Variants in PHACTR3 observed in about 807,000 individuals in gnomAD.
PHACTR3 encodes the protein protein phosphatase 1, regulatory subunit 123.
Under a neutral mutation model 66.8 loss-of-function variants are expected in PHACTR3, and 16 were observed. The observed-to-expected ratio is 0.24, with a 90% confidence interval of 0.16 to 0.36. The LOEUF (loss-of-function observed/expected upper bound fraction) is 0.36, where lower values mean the gene tolerates loss of function less well. Ranked by LOEUF, PHACTR3 falls within the 10% of genes least tolerant of loss-of-function variation. The pLI is 1.00. For missense variants in PHACTR3, 647 were observed against 719.9 expected, an observed-to-expected ratio of 0.90 and a Z score of 1.16; for synonymous variants, 323 against 292.1, an observed-to-expected ratio of 1.11 and a Z score of -1.08.
At chr20:59,750,692 C>T (rs1159256421) in intron 3 of PHACTR3, among the ~76,000 whole-genome samples, 6 of 152,114 alleles carry the variant, frequency 3.9e-5, no homozygotes, top group Admixed American at 6.5e-5. Flanking sequence ...GTGGGATCTG[C>T]GAGGAGCCCG....
At chr20:59,743,314 C>T (rs201058151) in intron 2 of PHACTR3, 46 bp downstream of exon 2, 368 of 1,605,216 alleles carry the variant, frequency 2.3e-4, no homozygotes, top group Middle Eastern at 1.3e-3. Flanking sequence ...CTGGGACCAG[C>T]GTCCTTGGCA....
chr20:59,800,386 C>G (rs996612281), intron 7 of PHACTR3, among the ~76,000 whole-genome samples: 1 of 152,022 alleles, frequency 6.6e-6, no homozygotes, highest in Admixed American at 6.5e-5. Context: ...CAAGAAGGTA[C>G]TTATTTTGTC....
intron 1 of PHACTR3, among the ~76,000 whole-genome samples, chr20:59,735,463 A>T (rs1316809349): frequency 6.6e-6 from 1 of 151,982 alleles, no homozygotes; most frequent in African/African-American, 2.4e-5. Context: ...ACCTGACCTC[A>T]CTCCCCCAGA....
intron 1 of PHACTR3, among the ~76,000 whole-genome samples, chr20:59,656,717 T>C (rs1035501419): frequency 6.6e-5 from 10 of 151,978 alleles, no homozygotes; most frequent in African/African-American, 2.4e-4. Flanking sequence ...TTTGTTCCTC[T>C]ATTTTTCCTT....
intron 4 of PHACTR3, among the ~76,000 whole-genome samples, 169 bp from the exon 5 acceptor site, chr20:59,767,017 G>A (rs371152989): frequency 3.3e-5 from 5 of 152,300 alleles, no homozygotes; most frequent in South Asian, 4.1e-4. Context: ...CTCTGCTTCC[G>A]ATGGTTCTAT....
chr20:59,646,633 A>G (rs576377038), intron 1 of PHACTR3, among the ~76,000 whole-genome samples: 1 of 152,272 alleles, frequency 6.6e-6, no homozygotes, highest in African/African-American at 2.4e-5. Context: ...TGTTCAGTAG[A>G]TGCAGTTCCC....
At chr20:59,622,722 T>A (rs1014763678) in intron 1 of PHACTR3, among the ~76,000 whole-genome samples, 1 of 151,950 alleles carries the variant, frequency 6.6e-6, no homozygotes, top group Non-Finnish European at 1.5e-5. Flanking sequence ...GGGTTAGAGA[T>A]GCCTCGGGAC....
At chr20:59,728,770 G>A (rs1474762415) in intron 1 of PHACTR3, among the ~76,000 whole-genome samples, 1 of 151,714 alleles carries the variant, frequency 6.6e-6, no homozygotes, top group Non-Finnish European at 1.5e-5. Flanking sequence ...TATTTGTTGG[G>A]TGCCTGCTAT....
At chr20:59,743,728 CA>C (rs2039263338) in intron 2 of PHACTR3, among the ~76,000 whole-genome samples, 1 of 152,226 alleles carries the variant, frequency 6.6e-6, no homozygotes, top group Non-Finnish European at 1.5e-5. Flanking sequence ...GTCGTACCCC[CA>C]CAGATGCAGG....
At chr20:59,843,842 C>A (rs969367898) in intron 11 of PHACTR3, 2 of 151,968 alleles carry the variant, frequency 1.3e-5, no homozygotes, top group African/African-American at 4.8e-5. Flanking sequence ...CTATATTAAA[C>A]TACAAAGCTT....
At chr20:59,767,103 C>T (rs2040204336) in intron 4 of PHACTR3, 83 bp from the exon 5 acceptor site, 1 of 1,428,038 alleles carries the variant, frequency 7.0e-7, no homozygotes, top group African/African-American at 1.4e-5. Context: ...TCCCATCCCA[C>T]CAAACCCTCT....
chr20:59,774,602 C>G, intron 7 of PHACTR3, 112 bp downstream of exon 7: 1 of 1,407,710 alleles, frequency 7.1e-7, no homozygotes, highest in Non-Finnish European at 9.5e-7. Context: ...AGGGGCTGCA[C>G]CTGGGGAGAA....
intron 1 of PHACTR3, among the ~76,000 whole-genome samples, chr20:59,596,893 C>T (rs1372236196): frequency 6.6e-6 from 1 of 152,238 alleles, no homozygotes; most frequent in African/African-American, 2.4e-5. Flanking sequence ...CCAGCCTGGC[C>T]AGTGGCTTCA....
At chr20:59,763,126 A>G (rs1402960732) in intron 4 of PHACTR3, among the ~76,000 whole-genome samples, 6 of 152,174 alleles carry the variant, frequency 3.9e-5, no homozygotes, top group Admixed American at 3.9e-4. Flanking sequence ...ACAGGGGGGC[A>G]GTTTCCTCCA....
chr20:59,737,107 C>T (rs1214887616), intron 1 of PHACTR3, among the ~76,000 whole-genome samples: 1 of 152,156 alleles, frequency 6.6e-6, no homozygotes, highest in Non-Finnish European at 1.5e-5. Flanking sequence ...TGCCTGCCTC[C>T]CCAGCACATC....
chr20:59,797,593 G>C (rs2146971929), intron 7 of PHACTR3, among the ~76,000 whole-genome samples: 1 of 152,244 alleles, frequency 6.6e-6, no homozygotes, highest in South Asian at 2.1e-4. Context: ...AGGTTTTTCA[G>C]CTGTAATCAA....
In PHACTR3 at chr20:59,678,456, C is replaced by T. The variant is rs140352346; in HGVS notation, c.119-64651C>T. On this transcript the variant is annotated intron_variant, in intron 1 of 12. Transcript: ENST00000371015. ...GACATATGGATGGGAGTGCGTTCCT[C>T]CTGTCTAGGGCCTCTTAGGACCCGA... Among the ~76,000 whole-genome samples the T allele has an allele frequency of 7.2e-5, 11 of 152,288 alleles. No homozygotes were observed. The East Asian group carries it at 2.1e-3, about 29-fold the overall frequency.
intron 7 of PHACTR3, among the ~76,000 whole-genome samples, chr20:59,792,405 C>T (rs1420960405): frequency 6.6e-6 from 1 of 152,168 alleles, no homozygotes; most frequent in East Asian, 1.9e-4. Context: ...GTGATCCTGC[C>T]ATTTAGAGTG....
At chr20:59,799,429 C>CT (rs2146977634) in intron 7 of PHACTR3, among the ~76,000 whole-genome samples, 1 of 152,198 alleles carries the variant, frequency 6.6e-6, no homozygotes, top group Admixed American at 6.5e-5. Flanking sequence ...AATTCTGTCA[C>CT]TTTTTGCTTT....
Sources: allele counts gnomAD v4.1 joint callset (sites outside exome capture counted in the v4.1 genomes callset), GRCh38; gene constraint gnomAD v4.1.1; transcripts MANE v1.5; gene names NCBI Gene and HGNC (gene_info 2026-07-23, HGNC 2026-07-21).